Variants in POLR3E observed in about 807,000 individuals in gnomAD.
POLR3E encodes the protein DNA-directed RNA polymerase III subunit RPC5.
In POLR3E, 41 loss-of-function variants were observed where a neutral mutation model predicts 96.6. That is an observed-to-expected ratio of 0.42 (90% CI 0.33 to 0.55). POLR3E has a LOEUF of 0.55. Among genes scored for constraint, POLR3E ranks in the 20% least tolerant of loss-of-function variants. The pLI is 0.06. For missense variants in POLR3E, 849 were observed against 952.1 expected (o/e 0.89, Z 1.43); for synonymous variants, 396 against 383.6 (o/e 1.03, Z -0.38).
rs2048178599 is a variant in POLR3E at position 22,308,432 on chromosome 16, T to G, written c.165+207T>G. 7.0e-6 allele frequency: 4 copies of G among 571,616 alleles called. No individual in the cohort carries two copies. The East Asian group carries it at 1.2e-4, about 17-fold the overall frequency. 35.4% of individuals were successfully genotyped at this position (571,616 alleles called of 1,614,324 possible). ...GCCAGGGACGCATGAGGCTGATGAA[T>G]GAGAGAATGGGGCCAGATGTGAGCT... On this transcript the variant is annotated intron_variant, in intron 4 of 20. Transcript: ENST00000299853.
At chr16:22,328,681 C>G in intron 19 of POLR3E, 94 bp downstream of exon 19, 1 of 962,000 alleles carries the variant, frequency 1.0e-6, no homozygotes, top group Non-Finnish European at 1.7e-6. Flanking sequence ...AAAGTGCAGC[C>G]ACACATTTCA....
intron 2 of POLR3E, 126 bp downstream of exon 2, chr16:22,303,130 C>A: frequency 1.1e-6 from 1 of 883,838 alleles, no homozygotes; most frequent in Non-Finnish European, 1.9e-6. Context: ...GCTGTTCCCT[C>A]TGCCTGGTCC....
At chr16:22,311,443 TA>T (rs1299954047) in intron 6 of POLR3E, among the ~76,000 whole-genome samples, 1 of 151,928 alleles carries the variant, frequency 6.6e-6, no homozygotes, top group African/African-American at 2.4e-5. Context: ...ACTTTTACTG[TA>T]CCTTTTTTAT....
intron 14 of POLR3E, among the ~76,000 whole-genome samples, chr16:22,324,123 G>A (rs2048527890): frequency 6.6e-6 from 1 of 152,028 alleles, no homozygotes; most frequent in African/African-American, 2.4e-5. Flanking sequence ...GGGGTGGGAT[G>A]GTCCCATGGT....
chr16:22,309,784 A>G lies in POLR3E; in HGVS notation c.364+274A>G, dbSNP rs2048208612. On this transcript the variant is annotated intron_variant, in intron 6 of 20. Transcript: ENST00000299853. ...GGACACAGATACATACAAGTAGCTAACATAAGTTTAGGGACAGAATTTTGT... is the reference window on the plus strand; with the variant it reads ...GGACACAGATACATACAAGTAGCTAGCATAAGTTTAGGGACAGAATTTTGT... 4.2e-5 allele frequency: 22 copies of G among 521,360 alleles called. No homozygotes were observed. In the South Asian group the frequency reaches 5.0e-4, roughly 12 times the overall value. The allele number at this position is 521,360 out of a possible 1,614,324, so 32.3% of individuals were successfully genotyped here.
chr16:22,319,056 C>T, intron 13 of POLR3E, 110 bp downstream of exon 13: 1 of 722,492 alleles, frequency 1.4e-6, no homozygotes. Context: ...CTCACTGTAA[C>T]TTCTCCCTCC....
chr16:22,298,622 TTTATCAGAAA>T (rs1293414411), intron 1 of POLR3E, among the ~76,000 whole-genome samples: 1 of 152,154 alleles, frequency 6.6e-6, no homozygotes, highest in Admixed American at 6.5e-5. Context: ...CATACTGCCG[TTTATCAGAAA>T]ACCGTGCAGT....
chr16:22,317,040 G>A lies in POLR3E; in HGVS notation c.773+1G>A, dbSNP rs1211748235. The stretch of plus-strand genomic sequence containing the variant: ...TGCCACCCAGCCAGGAGGAGGAGAA[G>A]TGAGTAGAGGCGGCAGGACACCCTC... On this transcript the variant is annotated splice_donor_variant, in intron 11 of 20. Transcript: ENST00000299853. LOFTEE classifies it high-confidence loss of function. 6.2e-7 allele frequency: 1 copy of A among 1,614,180 alleles called. No homozygotes were observed.
chr16:22,313,099 T>C lies in POLR3E; in HGVS notation c.365-521T>C, dbSNP rs1248341875. 6.6e-6 allele frequency among the ~76,000 whole-genome samples: 1 copy of C among 152,070 alleles called. No individual in the cohort carries two copies. The highest frequency in any genetic ancestry group is 6.6e-5 in the Admixed American group (1 of 15,260). On this transcript the variant is annotated intron_variant, in intron 6 of 20. Coordinates refer to ENST00000299853, the MANE Select transcript of POLR3E (RefSeq NM_018119.4). The surrounding 1 kb of genome is among the most constrained non-coding windows in gnomAD (Gnocchi z 4.1). Reference sequence around the variant, plus strand: ...GTCATGATCTTTATCAGAGGCCATGTGGACACTCCACCCAGTTCTAGCAGG... The same window carrying C: ...GTCATGATCTTTATCAGAGGCCATGCGGACACTCCACCCAGTTCTAGCAGG...
chr16:22,305,910 AAT>A (rs1320388247), intron 3 of POLR3E, among the ~76,000 whole-genome samples: 2 of 152,236 alleles, frequency 1.3e-5, no homozygotes, highest in Non-Finnish European at 2.9e-5. Flanking sequence ...ATTGAGATAG[AAT>A]TTACACACCA....
At chr16:22,301,443 G>A (rs959637828) in intron 1 of POLR3E, among the ~76,000 whole-genome samples, 8 of 152,238 alleles carry the variant, frequency 5.3e-5, no homozygotes, top group African/African-American at 9.6e-5. Context: ...TTAGCTGAGC[G>A]GATGGTGCAT....
At chr16:22,319,393 T>G (rs1345254738) in intron 13 of POLR3E, among the ~76,000 whole-genome samples, 2 of 151,852 alleles carry the variant, frequency 1.3e-5, no homozygotes, top group African/African-American at 4.8e-5. Flanking sequence ...TTAAACTGTT[T>G]TTTGTTTTTT....
chr16:22,308,041 A>G, intron 3 of POLR3E, 107 bp from the exon 4 acceptor site: 1 of 778,160 alleles, frequency 1.3e-6, no homozygotes. Context: ...GGGTAAGGCC[A>G]GTCTCTGCTT....
chr16:22,308,060 C>T, intron 3 of POLR3E, 88 bp from the exon 4 acceptor site: 1 of 957,132 alleles, frequency 1.0e-6, no homozygotes, highest in Non-Finnish European at 1.7e-6. Flanking sequence ...TTGGGGTGGG[C>T]TTGGAGATAG....
In POLR3E at chr16:22,326,310, G is replaced by C. The variant is rs769726301; in HGVS notation, c.1866+32G>C. ...AGAGCCCTGCCTGCCAGGGGCATGG[G>C]GGGTGGGGGGTGGGGAGAACCAGCT... On this transcript the variant is annotated intron_variant, in intron 18 of 20. Transcript: ENST00000299853. 2.6e-5 allele frequency: 13 copies of C among 497,866 alleles called. No individual in the cohort carries two copies. In the African/African-American group the frequency reaches 2.7e-4, roughly 10 times the overall value. 30.8% of individuals were successfully genotyped at this position (497,866 alleles called of 1,614,324 possible).
At chr16:22,308,272 G>T (rs1008549550) in intron 4 of POLR3E, 47 bp downstream of exon 4, 1 of 1,453,048 alleles carries the variant, frequency 6.9e-7, no homozygotes, top group South Asian at 1.1e-5. Context: ...AGAGGGTGAT[G>T]AGGGTGGGAG....
intron 8 of POLR3E, 30 bp downstream of exon 8, chr16:22,314,158 G>A (rs2048307385): frequency 6.2e-7 from 1 of 1,600,474 alleles, no homozygotes; most frequent in East Asian, 2.2e-5. Flanking sequence ...GGAGGAGGGT[G>A]CTGCCTGGGC....
rs374794189 is a variant in POLR3E at position 22,324,376 on chromosome 16, G to A, written c.1091G>A (p.Arg364His). 8.7e-6 allele frequency: 14 copies of A among 1,612,674 alleles called. No individual in the cohort carries two copies. The African/African-American group carries it at 1.1e-4, about 12-fold the overall frequency. Reference protein sequence around the residue: ...DFVMWKFTQSRWVVRKEVATV... With the variant: ...DFVMWKFTQSHWVVRKEVATV... ...CAGATGTGGAAGTTCACGCAGAGCC[G>A]CTGGGTGGTTAGGAAAGAGGTGGCA... Residue 364 changes from arginine (R) to histidine (H), a missense_variant, in exon 15 of 21, where the codon CGC (arginine) becomes CAC (histidine). Arg to His is a conservative substitution (Grantham distance 29). Coordinates refer to ENST00000299853, the MANE Select transcript of POLR3E (RefSeq NM_018119.4).
Position 22,332,081 on chromosome 16 carries a change from A to AT in POLR3E, c.1972dup (p.Ser658PhefsTer25). 1 of 1,612,036 alleles carries AT rather than the reference A, an allele frequency of 6.2e-7. No individual in the cohort carries two copies. Among genetic ancestry groups the AT allele is most frequent in the Admixed American group, 1.7e-5 (1 of 59,762 alleles). The stretch of plus-strand genomic sequence containing the variant: ...AAAGCATCGACAGGTTTTGCTTGAA[A>AT]TTTTTTCCAAAAATTACCGGGTACG... On this transcript the variant is annotated frameshift_variant, in exon 20 of 21. Transcript: ENST00000299853. LOFTEE classifies it high-confidence loss of function.
Sources: gnomAD v4.1 joint callset for allele counts (sites outside exome capture counted in the v4.1 genomes callset) on GRCh38, gnomAD v4.1.1 for gene constraint, Gnocchi (gnomAD v3.1) non-coding constraint, MANE v1.5 for transcripts, NCBI Gene and HGNC (gene_info 2026-07-23, HGNC 2026-07-21) for gene names.